PITPNC1: variants seen among roughly 807,000 people sequenced by gnomAD.
The protein encoded by PITPNC1 is phosphatidylinositol transfer protein cytoplasmic 1.
PITPNC1 carries 18 observed loss-of-function variants against 44.7 expected under a neutral mutation model. The ratio of observed to expected loss-of-function variants is 0.40; its 90% confidence interval spans 0.28 to 0.60. The LOEUF (loss-of-function observed/expected upper bound fraction) is 0.60. Among genes scored for constraint, PITPNC1 ranks in the 20% least tolerant of loss-of-function variants. The pLI, the probability that PITPNC1 is intolerant of heterozygous loss-of-function variation, is 0.39. For missense variants in PITPNC1, 290 were observed against 418.4 expected (o/e 0.69, Z 2.68); for synonymous variants, 141 against 149.6 (o/e 0.94, Z 0.42).
intron 1 of PITPNC1, among the ~76,000 whole-genome samples, chr17:67,527,120 A>T (rs1203473470): frequency 1.3e-5 from 2 of 152,212 alleles, no homozygotes; most frequent in Non-Finnish European, 2.9e-5. Flanking sequence ...TTGATCTTTC[A>T]ATCAGATTTT....
At chr17:67,449,757 T>G (rs1379844686) in intron 1 of PITPNC1, among the ~76,000 whole-genome samples, 1 of 152,248 alleles carries the variant, frequency 6.6e-6, no homozygotes, top group African/African-American at 2.4e-5. Context: ...CGAAAGCTAA[T>G]TTATCTTTTA....
intron 1 of PITPNC1, among the ~76,000 whole-genome samples, chr17:67,437,521 A>G (rs568083440): frequency 6.6e-6 from 1 of 152,220 alleles, no homozygotes; most frequent in East Asian, 1.9e-4. Flanking sequence ...GGGAGAACAC[A>G]TTTCTGTTGC....
intron 5 of PITPNC1, among the ~76,000 whole-genome samples, chr17:67,593,479 A>G (rs1598862544): frequency 6.6e-6 from 1 of 151,826 alleles, no homozygotes; most frequent in South Asian, 2.1e-4. Flanking sequence ...GGCTCACTGA[A>G]CCTCTGCCTC....
intron 1 of PITPNC1, chr17:67,379,275 T>C: frequency 1.0e-6 from 1 of 985,532 alleles, no homozygotes; most frequent in Non-Finnish European, 1.2e-6. Flanking sequence ...AGATATGTTT[T>C]TGAGCCACTA....
intron 1 of PITPNC1, among the ~76,000 whole-genome samples, chr17:67,520,106 G>A (rs536636153): frequency 2.6e-4 from 39 of 152,202 alleles, no homozygotes; most frequent in South Asian, 1.2e-3. Flanking sequence ...GTGGTACTGC[G>A]GCTTCCCTTG....
At chr17:67,471,208 AAATT>A (rs2039522484) in intron 1 of PITPNC1, among the ~76,000 whole-genome samples, 1 of 111,610 alleles carries the variant, frequency 9.0e-6, no homozygotes, top group Non-Finnish European at 1.8e-5. Flanking sequence ...ATAAAAAAAT[AAATT>A]AAAAAAAAAA....
chr17:67,549,376 A>G (rs2040727297), intron 2 of PITPNC1, among the ~76,000 whole-genome samples: 1 of 152,278 alleles, frequency 6.6e-6, no homozygotes, highest in Admixed American at 6.5e-5. Context: ...ACGTCTCCCA[A>G]AAAAGGAAGA....
At chr17:67,460,012 C>T (rs752213288) in intron 1 of PITPNC1, among the ~76,000 whole-genome samples, 11 of 152,188 alleles carry the variant, frequency 7.2e-5, no homozygotes, top group Non-Finnish European at 1.3e-4. Context: ...GTTTCTTTCT[C>T]CCAGCTTTCC....
chr17:67,675,483 T>A lies in PITPNC1; in HGVS notation c.623T>A (p.Val208Asp). 6.2e-7 allele frequency: 1 copy of A among 1,606,632 alleles called. No homozygotes were observed. Among genetic ancestry groups the A allele is most frequent in the Non-Finnish European group, 8.5e-7 (1 of 1,173,170 alleles). ...TRVEQFVHKV[V>D]RDILLIGHRQ... ...TCTCCTTCTTTTACTTTTTAGGTGGTCCGAGACATTCTGCTGATTGGACAT... is the reference window on the plus strand; with the variant it reads ...TCTCCTTCTTTTACTTTTTAGGTGGACCGAGACATTCTGCTGATTGGACAT... The change falls in exon 8 of 9, where the codon GTC (valine) becomes GAC (aspartate). Residue 208 changes from valine (V) to aspartate (D), a missense_variant. By Grantham distance (152) the Val-to-Asp change is radical. Coordinates refer to ENST00000581322, the MANE Select transcript of PITPNC1 (RefSeq NM_012417.4).
At chr17:67,537,350 C>G (rs984060065) in intron 2 of PITPNC1, among the ~76,000 whole-genome samples, 2 of 152,132 alleles carry the variant, frequency 1.3e-5, no homozygotes, top group Admixed American at 1.3e-4. Context: ...TATGAGAATT[C>G]AGCAAGATTG....
chr17:67,398,000 G>A (rs1449339611), intron 1 of PITPNC1, among the ~76,000 whole-genome samples: 2 of 151,964 alleles, frequency 1.3e-5, no homozygotes, highest in Non-Finnish European at 2.9e-5. Context: ...GGCTGGGGCA[G>A]GAGAATGGTG....
chr17:67,394,837 G>A (rs2038192081), intron 1 of PITPNC1, among the ~76,000 whole-genome samples: 1 of 152,020 alleles, frequency 6.6e-6, no homozygotes, highest in Non-Finnish European at 1.5e-5. Context: ...GGAGCTTGCA[G>A]TGAGCCGAGA....
intron 4 of PITPNC1, among the ~76,000 whole-genome samples, chr17:67,567,471 G>T (rs1013588329): frequency 2.0e-5 from 3 of 151,732 alleles, no homozygotes; most frequent in Non-Finnish European, 4.4e-5. Context: ...GCGACAGAGT[G>T]AGACTCCATC....
intron 1 of PITPNC1, among the ~76,000 whole-genome samples, chr17:67,456,477 C>T (rs1055774443): frequency 1.3e-5 from 2 of 151,940 alleles, no homozygotes; most frequent in African/African-American, 4.8e-5. Context: ...TTCTATTTCC[C>T]ATACTTTTTC....
intron 2 of PITPNC1, 35 bp from the exon 3 acceptor site, chr17:67,552,222 G>A (rs1201252604): frequency 9.6e-7 from 1 of 1,037,248 alleles, no homozygotes. Context: ...ACTCTGAACA[G>A]ACTCCAATTG....
At chr17:67,489,923 T>C (rs1179688321) in intron 1 of PITPNC1, among the ~76,000 whole-genome samples, 2 of 152,068 alleles carry the variant, frequency 1.3e-5, no homozygotes, top group African/African-American at 4.8e-5. Context: ...TTTGTATTTT[T>C]AGTAGAGACG....
intron 1 of PITPNC1, among the ~76,000 whole-genome samples, chr17:67,451,567 G>A (rs1445395541): frequency 6.6e-6 from 1 of 151,608 alleles, no homozygotes; most frequent in Non-Finnish European, 1.5e-5. Flanking sequence ...CGTCTCTATA[G>A]TTTTGTCTTT....
At position 67,552,365 on chromosome 17, in the gene PITPNC1, A is replaced by G; in HGVS notation, c.286+20A>G. 8.6e-7 allele frequency: 1 copy of G among 1,162,302 alleles called. No individual in the cohort carries two copies. The highest frequency in any genetic ancestry group is 1.3e-6 in the Non-Finnish European group (1 of 766,970). 72.0% of individuals were successfully genotyped at this position (1,162,302 alleles called of 1,614,324 possible). On this transcript the variant is annotated intron_variant, in intron 3 of 8. Coordinates refer to ENST00000581322, the MANE Select transcript of PITPNC1 (RefSeq NM_012417.4). ...TTACAGGTAAGTCCTTAGTACAACC[A>G]TATGGCACATGTAGTGAGTGCAAGG... is the stretch of plus-strand genomic sequence containing the variant.
chr17:67,551,235 TG>T (rs2040758877), intron 2 of PITPNC1, among the ~76,000 whole-genome samples: 1 of 152,182 alleles, frequency 6.6e-6, no homozygotes, highest in Non-Finnish European at 1.5e-5. Flanking sequence ...CAAAAGACCC[TG>T]GGACCTGTGC....
Sources: gnomAD v4.1 joint callset for allele counts (sites outside exome capture counted in the v4.1 genomes callset) on GRCh38, gnomAD v4.1.1 for gene constraint, MANE v1.5 for transcripts, NCBI Gene and HGNC (gene_info 2026-07-23, HGNC 2026-07-21) for gene names.